The following ABCB8 variants were observed in gnomAD, a reference collection of about 807,000 sequenced individuals.
ABCB8 encodes mitochondrial potassium channel ATP-binding subunit.
Under a neutral mutation model 73.0 loss-of-function variants are expected in ABCB8, and 52 were observed. The observed-to-expected ratio is 0.71, with a 90% CI of 0.57 to 0.90. The LOEUF is 0.90. Ranked by LOEUF, ABCB8 falls within the 40% of genes least tolerant of loss-of-function variation. The pLI, the probability that ABCB8 is intolerant of heterozygous loss-of-function variation, is 0.00. For synonymous variants in ABCB8, 428 were observed against 423.5 expected, an observed-to-expected ratio of 1.01 and a Z score of -0.13; for missense variants, 909 against 974.6, an observed-to-expected ratio of 0.93 and a Z score of 0.90.
intron 1 of ABCB8, among the ~76,000 whole-genome samples, chr7:151,030,888 C>G (rs1351056300): frequency 1.3e-5 from 2 of 152,210 alleles, no homozygotes; most frequent in African/African-American, 2.4e-5. Context: ...TGCAGTCAGC[C>G]AGCATAGCAC....
Position 151,028,546 on chromosome 7 carries a change from C to G in ABCB8, c.31C>G (p.Arg11Gly). ...GGTGCATTTATTTCGGGTCGGGATT[C>G]GGGGTGGCCCATTCCCAGGCAGGCT... The part of the protein sequence containing the change: MLVHLFRVGI[R>G]GGPFPGRLLP... The change falls in exon 1 of 16, where the codon CGG becomes GGG. Residue 11 changes from arginine (R) to glycine (G), a missense_variant. By Grantham distance (125) the Arg-to-Gly change is moderately radical (BLOSUM62 -2). Transcript: ENST00000358849. 6.2e-7 allele frequency: 1 copy of G among 1,613,968 alleles called. No individual in the cohort carries two copies. The highest frequency in any genetic ancestry group is 8.5e-7 in the Non-Finnish European group (1 of 1,179,986).
Position 151,047,519 on chromosome 7 carries a change from G to A in ABCB8, c.*2170G>A, listed in dbSNP as rs1796645989. 6.6e-6 allele frequency: 1 copy of A among 152,260 alleles called. No individual in the cohort carries two copies. Among genetic ancestry groups the A allele is most frequent in the South Asian group, 2.1e-4 (1 of 4,834 alleles). 9.4% of individuals were successfully genotyped at this position (152,260 alleles called of 1,614,324 possible). ...CATGTGCCATTGAGCCCACGATGGG[G>A]AATGAGGACAGTCCCTGCCCCCATG... On this transcript the variant is annotated 3_prime_UTR_variant, in exon 16 of 16. Transcript: ENST00000358849.
At chr7:151,043,775 C>T (rs1277570554) in intron 14 of ABCB8, among the ~76,000 whole-genome samples, 196 bp from the exon 15 acceptor site, 3 of 77,500 alleles carry the variant, frequency 3.9e-5, no homozygotes, top group African/African-American at 5.4e-5. Context: ...GGAGGGTGCA[C>T]GGTGTGGGGT....
rs1447898053 is a variant in ABCB8 at position 151,040,509 on chromosome 7, G to T, written c.1263G>T (p.Gly421=). 2 of 1,611,570 alleles carry T rather than the reference G, an allele frequency of 1.2e-6. No individual in the cohort carries two copies. The highest frequency in any genetic ancestry group is 2.7e-5 in the African/African-American group (2 of 74,880). The change falls in exon 11 of 16, where the codon GGG becomes GGT. Residue 421 remains glycine (G), a synonymous_variant. Coordinates refer to ENST00000358849, the MANE Select transcript of ABCB8 (RefSeq NM_007188.5). ...LSVLFGQVVR[G]LSAGARVFEY... ...ATCCCCTCCCACAGGTGGTCCGGGG[G>T]CTGAGTGCAGGTGCCCGGGTCTTTG... is the stretch of plus-strand genomic sequence containing the variant.
chr7:151,034,598 C>T lies in ABCB8; in HGVS notation c.658C>T (p.Arg220Ter), dbSNP rs749039544. ...GAGGGCCCTCTTCAGCTCCCTGCTC[C>T]GGTACTGCCAGCCGCAGGGTGCAGA... is the stretch of plus-strand genomic sequence containing the variant. ...MRRALFSSLL[R>*]QDITFFDANK... The change falls in exon 4 of 16, where the codon CGA becomes TGA. Residue 220 changes from arginine to a stop codon, truncating the protein, a stop_gained and splice_region_variant. Coordinates refer to ENST00000358849, the MANE Select transcript of ABCB8 (RefSeq NM_007188.5). LOFTEE classifies it high-confidence loss of function. The T allele has an allele frequency of 1.4e-5, 23 of 1,613,694 alleles. No homozygotes were observed. Among genetic ancestry groups the T allele is most frequent in the African/African-American group, 2.7e-5 (2 of 74,914 alleles).
chr7:151,036,537 C>G lies in ABCB8; in HGVS notation c.1112-7C>G, dbSNP rs1796314545. 1 of 1,612,686 alleles carries G rather than the reference C, an allele frequency of 6.2e-7. No individual in the cohort carries two copies. The highest frequency in any genetic ancestry group is 1.3e-5 in the African/African-American group (1 of 74,922). On this transcript the variant is annotated splice_polypyrimidine_tract_variant and splice_region_variant and intron_variant, in intron 8 of 15. Transcript: ENST00000358849. ...CTTCGTCCTCCCTCACTTCCCCTCT[C>G]CTGCAGGCATGGTCTTGGGTACCCT...
intron 1 of ABCB8, chr7:151,029,482 T>C: frequency 9.8e-6 from 1 of 101,922 alleles, no homozygotes; most frequent in East Asian, 2.6e-4. Context: ...CCTTTTTTTT[T>C]CTTTTCTTTT....
At position 151,042,044 on chromosome 7, in the gene ABCB8, C is replaced by T. The variant is rs1028870847; in HGVS notation, c.1701C>T (p.Ala567=). The T allele has an allele frequency of 1.1e-5, 17 of 1,613,036 alleles. No homozygotes were observed. The highest frequency in any genetic ancestry group is 1.6e-4 in the Middle Eastern group (1 of 6,082). Reference sequence around the variant, plus strand: ...CTTCCGATGAAGAGGTGTACACAGCCGCCCGGGAAGCGAATGCTCACGAGT... The same window carrying T: ...CTTCCGATGAAGAGGTGTACACAGCTGCCCGGGAAGCGAATGCTCACGAGT... ...LEASDEEVYT[A]AREANAHEFI... Residue 567 remains alanine (A), a synonymous_variant, in exon 14 of 16, where the codon GCC becomes GCT. Coordinates refer to ENST00000358849, the MANE Select transcript of ABCB8 (RefSeq NM_007188.5).
At position 151,036,072 on chromosome 7, in the gene ABCB8, G is replaced by A; in HGVS notation, c.1014-1G>A. ...CTGAATGCACTGGTCTCTCTCACCA[G>A]GCGCTATGGGGCAGAGCTGGAAGCC... is the stretch of plus-strand genomic sequence containing the variant. On this transcript the variant is annotated splice_acceptor_variant, in intron 7 of 15. Coordinates refer to ENST00000358849, the MANE Select transcript of ABCB8 (RefSeq NM_007188.5). LOFTEE classifies it high-confidence loss of function. The A allele has an allele frequency of 6.2e-7, 1 of 1,613,128 alleles. No individual in the cohort carries two copies. The highest frequency in any genetic ancestry group is 2.2e-5 in the East Asian group (1 of 44,876).
chr7:151,033,595 C>T lies in ABCB8; in HGVS notation c.96-10C>T. 6.5e-7 allele frequency: 1 copy of T among 1,543,726 alleles called. No homozygotes were observed. Among genetic ancestry groups the T allele is most frequent in the Non-Finnish European group, 8.8e-7 (1 of 1,142,100 alleles). Reference sequence around the variant, plus strand: ...AGCCTCAAGCCATCCATGCCTCTCTCTCCTTACAGGTACTCTGATGGCTAC... The same window carrying T: ...AGCCTCAAGCCATCCATGCCTCTCTTTCCTTACAGGTACTCTGATGGCTAC... On this transcript the variant is annotated splice_polypyrimidine_tract_variant and intron_variant, in intron 1 of 15. Coordinates refer to ENST00000358849, the MANE Select transcript of ABCB8 (RefSeq NM_007188.5).
Position 151,033,692 on chromosome 7 carries a change from C to T in ABCB8, c.183C>T (p.Pro61=), listed in dbSNP as rs76801918. The change falls in exon 2 of 16, where the codon CCC becomes CCT. Residue 61 remains proline, a synonymous_variant. Transcript: ENST00000358849. ...SQLWAHLPRA[P]LAPRWSPSAW... The stretch of plus-strand genomic sequence containing the variant: ...TCTGGGCCCACCTCCCTCGAGCCCC[C>T]CTAGCTCCCAGATGGAGCCCCTCTG... 2.5e-6 allele frequency: 4 copies of T among 1,613,232 alleles called. No individual in the cohort carries two copies. The highest frequency in any genetic ancestry group is 1.3e-5 in the African/African-American group (1 of 74,918).
chr7:151,036,735 C>T (rs1047332052), intron 9 of ABCB8, 86 bp downstream of exon 9: 7 of 1,165,706 alleles, frequency 6.0e-6, no homozygotes, highest in African/African-American at 3.1e-5. Context: ...TGCCAGCCTT[C>T]TCTGGGGGCC....
rs1796062364 is a variant in ABCB8, at chr7:151,029,007, G to C, written c.95+397G>C. The C allele has an allele frequency of 9.1e-6, 11 of 1,210,382 alleles. No homozygotes were observed. In the South Asian group the frequency reaches 1.3e-4, roughly 14 times the overall value. The allele number at this position is 1,210,382 out of a possible 1,614,324, so 75.0% of individuals were successfully genotyped here. A position where few individuals can be genotyped will look rare whatever the true frequency, so the allele number is the denominator to read the frequency against. On this transcript the variant is annotated intron_variant, in intron 1 of 15. Coordinates refer to ENST00000358849, the MANE Select transcript of ABCB8 (RefSeq NM_007188.5). ...TTCAAAGTGAGTCGAAGAAGAACTA[G>C]AGATGTTCAGCAGGGATAAAGAGCC...
At chr7:151,033,123 C>T in intron 1 of ABCB8, 1 of 458,028 alleles carries the variant, frequency 2.2e-6, no homozygotes, top group South Asian at 1.5e-5. Context: ...CCCATTAGCT[C>T]CAGGAGGTGG....
At position 151,043,961 on chromosome 7, in the gene ABCB8, CCCTT is replaced by C. The variant is rs1316860675; in HGVS notation, c.1766-7_1766-4del. 1 of 1,606,146 alleles carries C rather than the reference CCCTT, an allele frequency of 6.2e-7. No homozygotes were observed. Among genetic ancestry groups the C allele is most frequent in the African/African-American group, 1.3e-5 (1 of 74,750 alleles). The stretch of plus-strand genomic sequence containing the variant: ...AGCTTCAGGCTCCTGCCCTGCCCCT[CCCTT>C]CCCAGGTGAACGGGGCACTACCCTG... On this transcript the variant is annotated splice_polypyrimidine_tract_variant and splice_region_variant and intron_variant, in intron 14 of 15. Coordinates refer to ENST00000358849, the MANE Select transcript of ABCB8 (RefSeq NM_007188.5).
At chr7:151,039,294 C>G (rs4148847) in intron 9 of ABCB8, 1 of 144,628 alleles carries the variant, frequency 6.9e-6, no homozygotes, top group Non-Finnish European at 1.5e-5. Context: ...GTGCCTCCCC[C>G]GGCTGCCTTT....
intron 12 of ABCB8, 64 bp downstream of exon 12, chr7:151,040,986 C>CG: frequency 6.2e-7 from 1 of 1,606,762 alleles, no homozygotes; most frequent in Non-Finnish European, 8.5e-7. Context: ...AGAGCAAGGC[C>CG]GGGAGCAGTG....
rs761650028 is a variant in ABCB8, at chr7:151,040,937, C to T, written c.1483+15C>T. ...GTCTGGCGGAGGTAAGGGGAGCCCA[C>T]CACCTCTTCACCCTCTGACTCTTCT... On this transcript the variant is annotated intron_variant, in intron 12 of 15. Coordinates refer to ENST00000358849, the MANE Select transcript of ABCB8 (RefSeq NM_007188.5). 25 of 1,599,248 alleles carry T rather than the reference C, an allele frequency of 1.6e-5. No individual in the cohort carries two copies. The highest frequency in any genetic ancestry group is 2.0e-5 in the Non-Finnish European group (23 of 1,172,682).
rs373352833 is a variant in ABCB8 at position 151,041,980 on chromosome 7, C to T, written c.1637C>T (p.Thr546Met). 1.7e-5 allele frequency: 27 copies of T among 1,612,792 alleles called. No homozygotes were observed. The highest frequency in any genetic ancestry group is 1.1e-4 in the African/African-American group (8 of 75,060). Residue 546 changes from threonine (T) to methionine (M), a missense_variant, in exon 14 of 16, where the codon ACG becomes ATG. Thr to Met is a moderately conservative substitution (Grantham distance 81). Transcript: ENST00000358849. ...FISQEPVLFGTTIMENIRFGK... is the reference protein window; with the variant it reads ...FISQEPVLFGMTIMENIRFGK... ...CCACAGGAGCCCGTCCTGTTTGGGA[C>T]GACCATCATGGAAAACATCCGCTTT...
Sources: allele counts gnomAD v4.1 joint callset (sites outside exome capture counted in the v4.1 genomes callset), GRCh38; gene constraint gnomAD v4.1.1; transcripts MANE v1.5; gene names NCBI Gene and HGNC (gene_info 2026-07-23, HGNC 2026-07-21).